SOX5: variants seen among roughly 807,000 people sequenced by gnomAD.
SOX5 encodes transcription factor SOX-5.
A neutral mutation model predicts 92.0 loss-of-function variants in SOX5; 9 were observed. That is an observed-to-expected ratio of 0.10 (90% confidence interval 0.06 to 0.17). The LOEUF (loss-of-function observed/expected upper bound fraction) is 0.17. Ranked by LOEUF, SOX5 falls within the 10% of genes least tolerant of loss-of-function variation. SOX5 has a pLI of 1.00. For synonymous variants in SOX5, 344 were observed against 336.3 expected (o/e 1.02, Z -0.25); for missense variants, 642 against 944.5 (o/e 0.68, Z 4.20).
intron 6 of SOX5, among the ~76,000 whole-genome samples, chr12:23,717,846 T>A (rs191055387): frequency 1.1e-3 from 164 of 152,358 alleles, no homozygotes; most frequent in Middle Eastern, 3.4e-3. Context: ...AAAAGTTTTA[T>A]AACTATATTC....
chr12:24,243,355 T>G (rs1376257089), intron 3 of SOX5, among the ~76,000 whole-genome samples: 1 of 152,182 alleles, frequency 6.6e-6, no homozygotes, highest in African/African-American at 2.4e-5. Flanking sequence ...TGTGTTTTTC[T>G]GTACATTATG....
At chr12:24,452,223 T>C (rs1942411151) in intron 1 of SOX5, among the ~76,000 whole-genome samples, 2 of 152,206 alleles carry the variant, frequency 1.3e-5, no homozygotes, top group South Asian at 2.1e-4. Context: ...CTGGCTTCCT[T>C]CCCTACCAAA....
chr12:24,391,020 T>C (rs557008869), intron 1 of SOX5, among the ~76,000 whole-genome samples: 1 of 152,260 alleles, frequency 6.6e-6, no homozygotes, highest in East Asian at 1.9e-4. Flanking sequence ...CATAGGATTG[T>C]ACTAATTTAC....
At chr12:24,432,595 C>G (rs939176975) in intron 1 of SOX5, among the ~76,000 whole-genome samples, 7 of 152,086 alleles carry the variant, frequency 4.6e-5, no homozygotes, top group Non-Finnish European at 1.0e-4. Context: ...CAGCAGATCA[C>G]GAGGTCAGGA....
chr12:24,236,927 G>C (rs931863903), intron 3 of SOX5, among the ~76,000 whole-genome samples: 1 of 151,614 alleles, frequency 6.6e-6, no homozygotes, highest in Admixed American at 6.6e-5. Flanking sequence ...AAAAAATGTA[G>C]ATCTGGATTA....
At chr12:24,134,361 A>T (rs1231747057) in intron 4 of SOX5, among the ~76,000 whole-genome samples, 1 of 152,202 alleles carries the variant, frequency 6.6e-6, no homozygotes, top group Non-Finnish European at 1.5e-5. Context: ...AAAGCCTGCC[A>T]TCAGGAATTT....
chr12:23,935,554 G>A (rs1322374693), intron 1 of SOX5, among the ~76,000 whole-genome samples: 1 of 151,126 alleles, frequency 6.6e-6, no homozygotes, highest in East Asian at 1.9e-4. Context: ...ACTTCTCCCA[G>A]TAAGGAGAAC....
At chr12:23,865,142 G>A (rs2096797164) in intron 2 of SOX5, among the ~76,000 whole-genome samples, 1 of 152,186 alleles carries the variant, frequency 6.6e-6, no homozygotes, top group South Asian at 2.1e-4. Flanking sequence ...AAGCTTAGAT[G>A]ACAGCATATC....
At chr12:23,776,701 T>C (rs1199967483) in intron 3 of SOX5, among the ~76,000 whole-genome samples, 2 of 152,132 alleles carry the variant, frequency 1.3e-5, no homozygotes, top group African/African-American at 4.8e-5. Flanking sequence ...CATTAGATTC[T>C]CATACAGAGT....
rs143680490 is a variant in SOX5, at chr12:23,728,079, G to A, written c.810+6605C>T. Among the ~76,000 whole-genome samples the A allele has an allele frequency of 1.2e-4, 19 of 152,280 alleles. No individual in the cohort carries two copies. The East Asian group carries it at 3.7e-3, about 29-fold the overall frequency. ...GGCTCCCTCTGAGTGAAAGGACAGG[G>A]CTGCAGGCAGTTATCCTTACGAACC... is the stretch of plus-strand genomic sequence containing the variant. On this transcript the variant is annotated intron_variant, in intron 6 of 14. Transcript: ENST00000451604.
chr12:23,766,720 C>A (rs2094739957), intron 3 of SOX5, among the ~76,000 whole-genome samples: 1 of 151,828 alleles, frequency 6.6e-6, no homozygotes, highest in Non-Finnish European at 1.5e-5. Context: ...ACAAAAAATC[C>A]AAATATATTC....
intron 2 of SOX5, among the ~76,000 whole-genome samples, chr12:24,313,195 T>C (rs1043560375): frequency 5.3e-5 from 8 of 152,116 alleles, no homozygotes; most frequent in African/African-American, 1.9e-4. Context: ...TTAAATGATC[T>C]AGCTCAAATA....
At chr12:24,478,086 G>T (rs1004576649) in intron 1 of SOX5, among the ~76,000 whole-genome samples, 1 of 152,194 alleles carries the variant, frequency 6.6e-6, no homozygotes, top group Admixed American at 6.5e-5. Flanking sequence ...AAGGAATTCC[G>T]AATCCAGAAC....
At chr12:24,513,369 TCTA>T (rs928835052) in intron 1 of SOX5, among the ~76,000 whole-genome samples, 5 of 152,258 alleles carry the variant, frequency 3.3e-5, no homozygotes, top group African/African-American at 1.2e-4. Context: ...CGTAGTTCCT[TCTA>T]ACAAATGAAA....
intron 2 of SOX5, among the ~76,000 whole-genome samples, chr12:23,865,060 C>T (rs914620847): frequency 3.3e-5 from 5 of 152,136 alleles, no homozygotes; most frequent in African/African-American, 1.2e-4. Flanking sequence ...GTTTATTTAC[C>T]ATTCTGAAAA....
chr12:24,225,006 G>A (rs549592619), intron 3 of SOX5, among the ~76,000 whole-genome samples: 3 of 152,084 alleles, frequency 2.0e-5, no homozygotes, highest in Non-Finnish European at 2.9e-5. Flanking sequence ...TGCCGCCCCT[G>A]GGTGAAATTT....
At chr12:23,928,167 C>T (rs986779228) in intron 1 of SOX5, among the ~76,000 whole-genome samples, 1 of 151,904 alleles carries the variant, frequency 6.6e-6, no homozygotes, top group Non-Finnish European at 1.5e-5. Flanking sequence ...GAGAAAATAC[C>T]GGTGAAAAGC....
Position 24,258,351 on chromosome 12 carries a change from G to C in SOX5, c.-77+18865C>G, listed in dbSNP as rs116756359. On this transcript the variant is annotated intron_variant, in intron 3 of 4. Coordinates refer to the SOX5 transcript ENST00000446891. Reference sequence around the variant, plus strand: ...ACCTTTGAGCAGCAATGAAAAATGGGAATTATTGTTATCATTTTAGACGAC... The same window carrying C: ...ACCTTTGAGCAGCAATGAAAAATGGCAATTATTGTTATCATTTTAGACGAC... Among the ~76,000 whole-genome samples the C allele has an allele frequency of 3.3e-3, 500 of 152,252 alleles. 2 individuals carry two copies. The highest frequency in any genetic ancestry group is 0.011 in the African/African-American group (445 of 41,548).
chr12:23,786,141 G>A (rs1204337334), intron 3 of SOX5, among the ~76,000 whole-genome samples: 1 of 151,818 alleles, frequency 6.6e-6, no homozygotes, highest in East Asian at 1.9e-4. Context: ...CTTTTCCTAA[G>A]GATAGTGAAG....
Sources: gnomAD v4.1 joint callset for allele counts (sites outside exome capture counted in the v4.1 genomes callset) on GRCh38, gnomAD v4.1.1 for gene constraint, MANE v1.5 for transcripts, NCBI Gene and HGNC (gene_info 2026-07-23, HGNC 2026-07-21) for gene names.